Variants in THSD7A observed in about 807,000 individuals in gnomAD.
THSD7A encodes thrombospondin type 1 domain containing 7A, also known as thrombospondin type-1 domain-containing protein 7A.
THSD7A carries 96 observed loss-of-function variants against 231.3 expected under a neutral mutation model. The ratio of observed to expected loss-of-function variants is 0.41; its 90% confidence interval spans 0.35 to 0.49. THSD7A has a LOEUF of 0.49. THSD7A is among the 20% of genes least tolerant of loss of function. The pLI is 0.05. For synonymous variants in THSD7A, 940 were observed against 743.3 expected, an observed-to-expected ratio of 1.26 and a Z score of -4.30; for missense variants, 2,290 against 2,070.2, an observed-to-expected ratio of 1.11 and a Z score of -2.06.
chr7:11,531,357 G>T (rs74737731), intron 6 of THSD7A, among the ~76,000 whole-genome samples: 12,330 of 152,078 alleles, frequency 0.081, 758 homozygotes, highest in East Asian at 0.18. Context: ...GTCGGTTCTG[G>T]TCATTTGTTT....
chr7:11,418,200 TAAAAG>T (rs1349842231), intron 16 of THSD7A, among the ~76,000 whole-genome samples: 4 of 152,192 alleles, frequency 2.6e-5, no homozygotes, highest in Non-Finnish European at 4.4e-5. Context: ...CTGTGAATCT[TAAAAG>T]AAAGTGAGAA....
At chr7:11,749,127 A>C (rs1451017920) in intron 1 of THSD7A, among the ~76,000 whole-genome samples, 1 of 151,996 alleles carries the variant, frequency 6.6e-6, no homozygotes, top group African/African-American at 2.4e-5. Flanking sequence ...TATGGCCCAT[A>C]TGGCCTTGCT....
At chr7:11,591,200 C>T (rs1049357286) in intron 3 of THSD7A, among the ~76,000 whole-genome samples, 1 of 141,112 alleles carries the variant, frequency 7.1e-6, no homozygotes, top group African/African-American at 2.7e-5. Context: ...CTAATGAGTG[C>T]GGATGCATGA....
At position 11,431,414 on chromosome 7, in the gene THSD7A, G is replaced by T. The variant is rs559235612; in HGVS notation, c.3065-2289C>A. ...GGGGTCCAACTTCATTCTTTTGCAT[G>T]TGGTTATTGAGTTATCCTGTCTTCA... On this transcript the variant is annotated intron_variant, in intron 13 of 27. Transcript: ENST00000423059. 3.3e-5 allele frequency among the ~76,000 whole-genome samples: 5 copies of T among 152,246 alleles called. No homozygotes were observed. In the East Asian group the frequency reaches 9.6e-4, roughly 29 times the overall value.
At chr7:11,779,407 G>A (rs1252795070) in intron 1 of THSD7A, among the ~76,000 whole-genome samples, 5 of 152,152 alleles carry the variant, frequency 3.3e-5, no homozygotes. Flanking sequence ...ACACATCCAA[G>A]TTTCCAACTC....
At chr7:11,639,723 A>G (rs1343224849) in intron 1 of THSD7A, among the ~76,000 whole-genome samples, 1 of 152,174 alleles carries the variant, frequency 6.6e-6, no homozygotes, top group East Asian at 1.9e-4. Context: ...TAATTAACAC[A>G]AATTAATGTT....
chr7:11,641,250 A>T (rs1399521605), intron 1 of THSD7A, among the ~76,000 whole-genome samples: 1 of 152,130 alleles, frequency 6.6e-6, no homozygotes, highest in East Asian at 1.9e-4. Flanking sequence ...AATTTAATGG[A>T]ATAACCTGTT....
rs1422612907 is a variant in THSD7A, at chr7:11,401,821, T to G, written c.4385A>C (p.Gln1462Pro). 6.2e-7 allele frequency: 1 copy of G among 1,613,552 alleles called. No homozygotes were observed. Among genetic ancestry groups the G allele is most frequent in the Non-Finnish European group, 8.5e-7 (1 of 1,179,756 alleles). ...ATAACATGATTTTGTTTCTAACATC[T>G]GCTCTGGGCACAGATGCTGATTCTC... The part of the protein sequence containing the change: ...ELENQHLCPE[Q>P]MLETKSCYDG... The change falls in exon 23 of 28, where the codon CAG becomes CCG. Residue 1462 changes from glutamine (Q) to proline (P), a missense_variant. Physicochemically the swap from Gln to Pro is moderately conservative, Grantham distance 76. Transcript: ENST00000423059.
At chr7:11,549,570 C>T (rs899480217) in intron 4 of THSD7A, among the ~76,000 whole-genome samples, 4 of 152,044 alleles carry the variant, frequency 2.6e-5, no homozygotes, top group East Asian at 1.9e-4. Context: ...AAATCTCATA[C>T]GTATACATTA....
rs10260475 is a variant in THSD7A at position 11,762,788 on chromosome 7, C to T, written c.190+68969G>A. Among the ~76,000 whole-genome samples the T allele has an allele frequency of 2.6e-5, 4 of 151,954 alleles. No homozygotes were observed. In the East Asian group the frequency reaches 5.8e-4, roughly 22 times the overall value. On this transcript the variant is annotated intron_variant, in intron 1 of 27. Transcript: ENST00000423059. The stretch of plus-strand genomic sequence containing the variant: ...AGATCTCTACAAACTACAAAATATT[C>T]ATGAAAAAAATTATAGATGACACAA...
intron 15 of THSD7A, among the ~76,000 whole-genome samples, chr7:11,426,394 C>G (rs569336925): frequency 6.6e-6 from 1 of 152,174 alleles, no homozygotes; most frequent in African/African-American, 2.4e-5. Context: ...CACTGCCTGT[C>G]GAGATTAGCG....
chr7:11,477,031 T>A (rs1403790688), intron 7 of THSD7A, among the ~76,000 whole-genome samples: 1 of 152,110 alleles, frequency 6.6e-6, no homozygotes, highest in Non-Finnish European at 1.5e-5. Context: ...CTCCTATACA[T>A]AAGCAATTAA....
intron 1 of THSD7A, among the ~76,000 whole-genome samples, chr7:11,790,498 A>G (rs536819877): frequency 6.6e-6 from 1 of 151,944 alleles, no homozygotes; most frequent in Non-Finnish European, 1.5e-5. Flanking sequence ...ATTCATGTCT[A>G]TAAAGTAAGA....
intron 23 of THSD7A, among the ~76,000 whole-genome samples, chr7:11,389,491 CT>C (rs1444633837): frequency 8.6e-6 from 1 of 116,086 alleles, no homozygotes; most frequent in Non-Finnish European, 1.7e-5. Flanking sequence ...CCCTCCATCC[CT>C]TTATTTTGAG....
At chr7:11,496,063 G>C (rs1787085546) in intron 6 of THSD7A, among the ~76,000 whole-genome samples, 1 of 152,142 alleles carries the variant, frequency 6.6e-6, no homozygotes, top group Non-Finnish European at 1.5e-5. Context: ...ATGCTTATAT[G>C]TGACTATAAT....
chr7:11,788,339 C>G (rs1033256389), intron 1 of THSD7A, among the ~76,000 whole-genome samples: 1 of 152,046 alleles, frequency 6.6e-6, no homozygotes, highest in African/African-American at 2.4e-5. Flanking sequence ...TGTTTTGCCA[C>G]TGTCTAATCT....
At chr7:11,458,901 T>G (rs1023224953) in intron 11 of THSD7A, among the ~76,000 whole-genome samples, 5 of 152,060 alleles carry the variant, frequency 3.3e-5, no homozygotes, top group African/African-American at 1.2e-4. Context: ...GGGAAGAAAT[T>G]AACGTTTAAT....
intron 1 of THSD7A, among the ~76,000 whole-genome samples, chr7:11,640,017 T>A (rs1000117830): frequency 6.6e-6 from 1 of 152,230 alleles, no homozygotes; most frequent in Non-Finnish European, 1.5e-5. Flanking sequence ...AAATGATTCA[T>A]CATTTACTGA....
chr7:11,813,156 T>G (rs1258912076), intron 1 of THSD7A, among the ~76,000 whole-genome samples: 1 of 152,186 alleles, frequency 6.6e-6, no homozygotes, highest in East Asian at 1.9e-4. Context: ...AGCTCTGCCA[T>G]CCCAACTACT....
Sources: allele counts gnomAD v4.1 joint callset (sites outside exome capture counted in the v4.1 genomes callset), GRCh38; gene constraint gnomAD v4.1.1; transcripts MANE v1.5; gene names NCBI Gene and HGNC (gene_info 2026-07-23, HGNC 2026-07-21).